Variants in RASSF5 observed in about 807,000 individuals in gnomAD.
The protein encoded by RASSF5 is ras association domain-containing protein 5.
In RASSF5, 25 loss-of-function variants were observed where a neutral mutation model predicts 40.5. The ratio of observed to expected loss-of-function variants is 0.62; its 90% CI spans 0.45 to 0.86. The LOEUF is 0.86. Among genes scored for constraint, RASSF5 ranks in the 40% least tolerant of loss-of-function variants. RASSF5 has a pLI of 0.00. For synonymous variants in RASSF5, 246 were observed against 252.4 expected (o/e 0.97, Z 0.24); for missense variants, 521 against 572.8 (o/e 0.91, Z 0.92).
chr1:206,565,269 C>T (rs530266719), intron 2 of RASSF5, among the ~76,000 whole-genome samples: 41 of 152,322 alleles, frequency 2.7e-4, no homozygotes, highest in African/African-American at 9.9e-4. Flanking sequence ...TAGCCTCTCA[C>T]TGAGATGCCC....
At chr1:206,577,564 T>C (rs139279340) in intron 2 of RASSF5, among the ~76,000 whole-genome samples, 230 of 152,328 alleles carry the variant, frequency 1.5e-3, no homozygotes, top group African/African-American at 5.3e-3. Flanking sequence ...TAGTTAGTCA[T>C]GGGAGTCAGA....
At chr1:206,546,299 G>A (rs782680720) in intron 2 of RASSF5, among the ~76,000 whole-genome samples, 1 of 151,406 alleles carries the variant, frequency 6.6e-6, no homozygotes, top group African/African-American at 2.4e-5. Context: ...CGTAGAGACC[G>A]GGTTTCGCCA....
rs1553397883 is a variant in RASSF5 at position 206,531,002 on chromosome 1, A to C, written c.458-7170A>C. On this transcript the variant is annotated intron_variant, in intron 1 of 5. Transcript: ENST00000579436. This position sits in a 1 kb window ranked among gnomAD's most constrained non-coding sequence, Gnocchi z 4.7. ...CTTGGATGTTAGCGAGGTAAAAAGG[A>C]GAACTAATATTATTGAACACCTAGT... 6.6e-6 allele frequency among the ~76,000 whole-genome samples: 1 copy of C among 152,242 alleles called. No homozygotes were observed. Among genetic ancestry groups the C allele is most frequent in the Non-Finnish European group, 1.5e-5 (1 of 68,048 alleles).
intron 2 of RASSF5, among the ~76,000 whole-genome samples, chr1:206,576,969 A>T (rs1668680079): frequency 8.0e-6 from 1 of 125,668 alleles, no homozygotes; most frequent in Admixed American, 8.5e-5. Context: ...GTGCCCAGCT[A>T]ATTTTTGTAT....
Position 206,553,723 on chromosome 1 carries a change from A to G in RASSF5, c.579+15430A>G, listed in dbSNP as rs558014190. Reference sequence around the variant, plus strand: ...CAGGGGTACACAGGGGGAGAAGAGAAGACCCCAGGAAGCTGAAAGGAAGAC... The same window carrying G: ...CAGGGGTACACAGGGGGAGAAGAGAGGACCCCAGGAAGCTGAAAGGAAGAC... On this transcript the variant is annotated intron_variant, in intron 2 of 5. Coordinates refer to ENST00000579436, the MANE Select transcript of RASSF5 (RefSeq NM_182663.4). 3.3e-5 allele frequency among the ~76,000 whole-genome samples: 5 copies of G among 152,324 alleles called. No individual in the cohort carries two copies. The East Asian group carries it at 9.6e-4, about 29-fold the overall frequency.
At chr1:206,532,570 C>A (rs961192800) in intron 1 of RASSF5, among the ~76,000 whole-genome samples, 1 of 152,188 alleles carries the variant, frequency 6.6e-6, no homozygotes, top group Admixed American at 6.5e-5. Context: ...TGGCTTTCTT[C>A]AAAAAGGCAT....
At chr1:206,524,767 G>A (rs1667055310) in intron 1 of RASSF5, among the ~76,000 whole-genome samples, 1 of 146,064 alleles carries the variant, frequency 6.8e-6, no homozygotes, top group African/African-American at 2.5e-5. Context: ...ACTTGTCCTA[G>A]CAGGGAGTCA....
chr1:206,565,826 C>T (rs1360268833), intron 2 of RASSF5, among the ~76,000 whole-genome samples: 4 of 152,234 alleles, frequency 2.6e-5, no homozygotes, highest in African/African-American at 9.6e-5. Flanking sequence ...GACAGAGCTG[C>T]ACCACCACTG....
chr1:206,573,844 T>TA (rs1325232636), intron 2 of RASSF5, among the ~76,000 whole-genome samples: 1 of 152,176 alleles, frequency 6.6e-6, no homozygotes, highest in African/African-American at 2.4e-5. Flanking sequence ...CCCCATCTCT[T>TA]AAAAAAACAA....
intron 2 of RASSF5, among the ~76,000 whole-genome samples, chr1:206,577,091 G>T (rs1668684791): frequency 6.6e-6 from 1 of 151,898 alleles, no homozygotes; most frequent in Non-Finnish European, 1.5e-5. Context: ...GATTGTAGGT[G>T]TGAGCCACCA....
chr1:206,539,242 C>T (rs1202621863), intron 2 of RASSF5, among the ~76,000 whole-genome samples: 3 of 152,204 alleles, frequency 2.0e-5, no homozygotes, highest in Non-Finnish European at 1.5e-5. Context: ...ATGAAAATTA[C>T]AGACATGGTT....
intron 2 of RASSF5, among the ~76,000 whole-genome samples, chr1:206,575,919 G>T (rs1231857993): frequency 6.6e-6 from 1 of 152,240 alleles, no homozygotes; most frequent in African/African-American, 2.4e-5. Context: ...GTGCAGCTGA[G>T]TGTGAGGTGC....
intron 2 of RASSF5, among the ~76,000 whole-genome samples, chr1:206,562,621 A>G (rs1306659988): frequency 2.6e-5 from 4 of 152,126 alleles, no homozygotes; most frequent in Non-Finnish European, 5.9e-5. Flanking sequence ...GTCCAACAAC[A>G]TCAAGTACTT....
Position 206,584,480 on chromosome 1 carries a change from T to C in RASSF5, c.784T>C (p.Tyr262His). Reference sequence around the variant, plus strand: ...TGCTGGGATCCGGCCCCAGTCCATCTATGATGCCATCAAGGAGGTGAACCT... The same window carrying C: ...TGCTGGGATCCGGCCCCAGTCCATCCATGATGCCATCAAGGAGGTGAACCT... ...VPAGIRPQSI[Y>H]DAIKEVNLAA... Residue 262 changes from tyrosine to histidine, a missense_variant, in exon 4 of 6, where the codon TAT becomes CAT. Tyr to His is a moderately conservative substitution (Grantham distance 83, BLOSUM62 2). Around this residue, in one of 2 missense-constraint regions of RASSF5, gnomAD observed 284 missense variants for 360.8 expected, o/e 0.79. Coordinates refer to ENST00000579436, the MANE Select transcript of RASSF5 (RefSeq NM_182663.4). The surrounding 1 kb of genome is among the most constrained non-coding windows in gnomAD (Gnocchi z 4.9). 6.2e-7 allele frequency: 1 copy of C among 1,614,140 alleles called. No individual in the cohort carries two copies. The highest frequency in any genetic ancestry group is 8.5e-7 in the Non-Finnish European group (1 of 1,180,016).
At chr1:206,510,084 G>A (rs531465451) in intron 1 of RASSF5, among the ~76,000 whole-genome samples, 1 of 152,312 alleles carries the variant, frequency 6.6e-6, no homozygotes, top group South Asian at 2.1e-4. Context: ...GTGAACCTAT[G>A]GCTGGATGGC....
chr1:206,526,920 C>T (rs1273328010), intron 1 of RASSF5, among the ~76,000 whole-genome samples: 3 of 152,116 alleles, frequency 2.0e-5, no homozygotes, highest in South Asian at 2.1e-4. Flanking sequence ...TGCCAGGTGC[C>T]GTTGGATGCT....
chr1:206,584,667 T>A lies in RASSF5; in HGVS notation c.971T>A (p.Ile324Lys). 2 of 1,614,208 alleles carry A rather than the reference T, an allele frequency of 1.2e-6. No homozygotes were observed. The highest frequency in any genetic ancestry group is 1.7e-6 in the Non-Finnish European group (2 of 1,180,026). ...CAGAAGTTTGCACTTTTTAAGCGGA[T>A]ACACAAGGACGGACAAGGTAGGAGA... Reference protein sequence around the residue: ...NPQKFALFKRIHKDGQVLFQK... With the variant: ...NPQKFALFKRKHKDGQVLFQK... The change falls in exon 4 of 6, where the codon ATA becomes AAA. Residue 324 changes from isoleucine (I) to lysine (K), a missense_variant. Transcript: ENST00000579436. This position sits in a 1 kb window ranked among gnomAD's most constrained non-coding sequence, Gnocchi z 4.9.
At chr1:206,571,270 A>G (rs1159546498) in intron 2 of RASSF5, 1 of 131,106 alleles carries the variant, frequency 7.6e-6, no homozygotes, top group African/African-American at 2.8e-5. Context: ...TCCATTGTCT[A>G]TTTTTTCATC....
intron 2 of RASSF5, among the ~76,000 whole-genome samples, chr1:206,569,273 G>GAACCAT (rs1668374326): frequency 1.3e-5 from 2 of 152,214 alleles, no homozygotes; most frequent in Admixed American, 1.3e-4. Context: ...AAAGACTGTG[G>GAACCAT]GCTCAGAGCA....
Sources: gnomAD v4.1 joint callset for allele counts (sites outside exome capture counted in the v4.1 genomes callset) on GRCh38, gnomAD v4.1.1 for gene constraint, gnomAD v4.1.1 regional missense constraint, Gnocchi (gnomAD v3.1) non-coding constraint, MANE v1.5 for transcripts, NCBI Gene and HGNC (gene_info 2026-07-23, HGNC 2026-07-21) for gene names.